The following DDX60L variants were observed in gnomAD, a reference collection of about 807,000 sequenced individuals.
DDX60L encodes probable ATP-dependent RNA helicase DDX60-like.
DDX60L carries 191 observed loss-of-function variants against 211.6 expected under a neutral mutation model. The observed-to-expected ratio is 0.90, with a 90% CI of 0.80 to 1.02. The LOEUF (loss-of-function observed/expected upper bound fraction) is 1.02, where lower values mean the gene tolerates loss of function less well. DDX60L is among the 50% of genes least tolerant of loss of function. DDX60L has a pLI of 0.00. For missense variants in DDX60L, 2,007 were observed against 1,984.1 expected (o/e 1.01, Z -0.22); for synonymous variants, 706 against 694.1 (o/e 1.02, Z -0.27).
chr4:168,378,095 T>C (rs544504682), intron 33 of DDX60L, among the ~76,000 whole-genome samples: 2 of 152,326 alleles, frequency 1.3e-5, no homozygotes, highest in East Asian at 1.9e-4. Flanking sequence ...TATTTGTGTA[T>C]GTAATCTCTG....
At chr4:168,432,767 T>C (rs1483157308) in intron 11 of DDX60L, among the ~76,000 whole-genome samples, 197 bp from the exon 12 acceptor site, 6 of 151,622 alleles carry the variant, frequency 4.0e-5, no homozygotes, top group Non-Finnish European at 5.9e-5. Context: ...AACAACAATG[T>C]AGTAAACTTT....
At chr4:168,441,045 G>A (rs1025678899) in intron 10 of DDX60L, among the ~76,000 whole-genome samples, 1 of 152,098 alleles carries the variant, frequency 6.6e-6, no homozygotes, top group Non-Finnish European at 1.5e-5. Context: ...AGGATGGATT[G>A]GGAAGTGGCC....
Position 168,394,452 on chromosome 4 carries a change from G to T in DDX60L, c.3810+13C>A. 6.3e-7 allele frequency: 1 copy of T among 1,580,766 alleles called. No individual in the cohort carries two copies. Among genetic ancestry groups the T allele is most frequent in the Non-Finnish European group, 8.6e-7 (1 of 1,167,266 alleles). On this transcript the variant is annotated intron_variant, in intron 28 of 37. Transcript: ENST00000682922. ...CACAACTTTATTTTTTAAATGCAAA[G>T]AAATTTACCTACCCTAATAAGCCCT...
intron 4 of DDX60L, among the ~76,000 whole-genome samples, chr4:168,466,319 G>A (rs1316791136): frequency 1.3e-5 from 2 of 152,038 alleles, no homozygotes; most frequent in Non-Finnish European, 2.9e-5. Context: ...CAAGAAGAGG[G>A]AAGACACAAC....
intron 13 of DDX60L, among the ~76,000 whole-genome samples, chr4:168,429,707 T>C: frequency 6.6e-6 from 1 of 152,236 alleles, no homozygotes; most frequent in South Asian, 2.1e-4. Context: ...CTGGGCCTGA[T>C]GGGAGGTGAC....
At chr4:168,412,290 G>A (rs147207622) in intron 22 of DDX60L, among the ~76,000 whole-genome samples, 281 of 152,124 alleles carry the variant, frequency 1.8e-3, no homozygotes, top group African/African-American at 6.5e-3. Context: ...GGCTCTTGGG[G>A]TCCCCAAGTG....
chr4:168,456,084 A>C lies in DDX60L; in HGVS notation c.792T>G (p.Cys264Trp), dbSNP rs749515184. ...TCAAGGATAGTGAACATGAAGTGAC[A>C]CAGAGAACACGCTGGATGTCCGATC... ...SEGSDIQRVL[C>W]VTSCSLSLRM... Residue 264 changes from cysteine (C) to tryptophan (W), a missense_variant, in exon 7 of 38, where the codon TGT (cysteine) becomes TGG (tryptophan). Cys to Trp is a radical substitution (Grantham distance 215). Transcript: ENST00000682922. 1 of 1,598,524 alleles carries C rather than the reference A, an allele frequency of 6.3e-7. No individual in the cohort carries two copies. Among genetic ancestry groups the C allele is most frequent in the Non-Finnish European group, 8.5e-7 (1 of 1,174,198 alleles).
At chr4:168,397,484 T>C (rs1746005669) in intron 26 of DDX60L, among the ~76,000 whole-genome samples, 1 of 152,158 alleles carries the variant, frequency 6.6e-6, no homozygotes. Flanking sequence ...GAGGCAATCA[T>C]TATAAACTTC....
At chr4:168,467,217 T>C (rs1195755158) in intron 4 of DDX60L, among the ~76,000 whole-genome samples, 1 of 152,034 alleles carries the variant, frequency 6.6e-6, no homozygotes, top group Non-Finnish European at 1.5e-5. Context: ...GAGACTAGCC[T>C]GTACAACTCA....
chr4:168,451,552 C>CAAATAGG (rs1465669918), intron 8 of DDX60L, among the ~76,000 whole-genome samples: 4 of 152,162 alleles, frequency 2.6e-5, no homozygotes, highest in Non-Finnish European at 5.9e-5. Context: ...CTATTGCCAC[C>CAAATAGG]AACATCTTAG....
At chr4:168,472,338 A>G in intron 3 of DDX60L, 117 bp downstream of exon 3, 2 of 755,856 alleles carry the variant, frequency 2.6e-6, no homozygotes, top group South Asian at 3.9e-5. Context: ...ATCATCTCCA[A>G]GCTGCTCCAA....
intron 30 of DDX60L, 63 bp from the exon 31 acceptor site, chr4:168,379,893 A>G (rs3749497): frequency 0.12 from 137,343 of 1,182,958 alleles, 9,507 homozygotes; most frequent in Admixed American, 0.17. Flanking sequence ...ACTGATATGT[A>G]ATAAATAGTA....
chr4:168,463,198 C>G (rs577276446), intron 4 of DDX60L, among the ~76,000 whole-genome samples: 14 of 152,194 alleles, frequency 9.2e-5, no homozygotes, highest in Non-Finnish European at 2.1e-4. Context: ...TTCACCGCAG[C>G]ACTATTCACA....
At position 168,440,969 on chromosome 4, in the gene DDX60L, T is replaced by C. The variant is rs541970416; in HGVS notation, c.1294+368A>G. Among the ~76,000 whole-genome samples the C allele has an allele frequency of 7.5e-4, 114 of 151,936 alleles. 2 individuals carry two copies. Among genetic ancestry groups the C allele is most frequent in the African/African-American group, 2.7e-3 (111 of 41,402 alleles). The stretch of plus-strand genomic sequence containing the variant: ...TATACACTATATGACTCCATCCCAA[T>C]GAAGTTCAAAGCAGACAAAACTAAG... On this transcript the variant is annotated intron_variant, in intron 10 of 37. Coordinates refer to ENST00000682922, the MANE Select transcript of DDX60L (RefSeq NM_001012967.3).
intron 19 of DDX60L, among the ~76,000 whole-genome samples, chr4:168,417,743 T>A (rs139887025): frequency 7.4e-4 from 113 of 152,342 alleles, no homozygotes; most frequent in South Asian, 2.1e-3. Flanking sequence ...GTTGAATGAA[T>A]GAATCAATCC....
At chr4:168,455,211 T>C (rs1171675814) in intron 7 of DDX60L, among the ~76,000 whole-genome samples, 1 of 151,610 alleles carries the variant, frequency 6.6e-6, no homozygotes, top group Non-Finnish European at 1.5e-5. Flanking sequence ...TTTATTGCTG[T>C]TTGTTTTAAG....
rs190697267 is a variant in DDX60L, at chr4:168,439,358, C to A, written c.1294+1979G>T. Among the ~76,000 whole-genome samples the A allele has an allele frequency of 5.9e-5, 9 of 152,048 alleles. No individual in the cohort carries two copies. The East Asian group carries it at 1.5e-3, about 26-fold the overall frequency. ...AGCCTGATCCAATCATCTCAAAGTC[C>A]CTGAGTGCAGAATTGAGGTTTCCCT... On this transcript the variant is annotated intron_variant, in intron 10 of 37. Transcript: ENST00000682922.
chr4:168,432,226 AATAT>A (rs141551810), intron 12 of DDX60L, among the ~76,000 whole-genome samples: 1 of 146,976 alleles, frequency 6.8e-6, no homozygotes. Context: ...CTCTTCAATT[AATAT>A]ATATATATAT....
At chr4:168,468,791 A>C (rs1758353521) in intron 4 of DDX60L, 1 of 152,254 alleles carries the variant, frequency 6.6e-6, no homozygotes, top group Non-Finnish European at 1.5e-5. Context: ...ATACCAGTTA[A>C]CAAACAAAAA....
Sources: gnomAD v4.1 joint callset for allele counts (sites outside exome capture counted in the v4.1 genomes callset) on GRCh38, gnomAD v4.1.1 for gene constraint, MANE v1.5 for transcripts, NCBI Gene and HGNC (gene_info 2026-07-23, HGNC 2026-07-21) for gene names.